SAMD5: variants seen among roughly 807,000 people sequenced by gnomAD.
The protein encoded by SAMD5 is sterile alpha motif domain containing 5, also known as sterile alpha motif domain-containing protein 5.
SAMD5 carries 13 observed loss-of-function variants against 11.3 expected under a neutral mutation model. The observed-to-expected ratio is 1.15, with a 90% confidence interval of 0.75 to 1.83. The LOEUF (loss-of-function observed/expected upper bound fraction) is 1.83, where lower values mean the gene tolerates loss of function less well. SAMD5 is among the 40% of genes most tolerant of loss of function. The probability of loss-of-function intolerance (pLI) is 0.00; values close to 1 mark genes in which losing one functional copy is unlikely to be tolerated. For missense variants in SAMD5, 255 were observed against 239.1 expected, an observed-to-expected ratio of 1.07 and a Z score of -0.44; for synonymous variants, 129 against 111.3, an observed-to-expected ratio of 1.16 and a Z score of -1.00.
At chr6:147,882,390 G>T in the SAMD5 span, among the ~76,000 whole-genome samples, 3 of 152,174 alleles carry the variant, frequency 2.0e-5, no homozygotes, top group African/African-American at 7.2e-5. Flanking sequence ...AAGTCACAGT[G>T]TGTAGTCATA....
intron 1 of SAMD5, among the ~76,000 whole-genome samples, chr6:147,609,477 A>G (rs1789749395): frequency 1.3e-5 from 2 of 152,160 alleles, no homozygotes; most frequent in Admixed American, 6.5e-5. Context: ...AGCCCCAGAA[A>G]ACTACTGCAC....
intron 1 of SAMD5, among the ~76,000 whole-genome samples, chr6:147,678,501 G>T (rs1790896293): frequency 6.6e-6 from 1 of 152,146 alleles, no homozygotes; most frequent in Non-Finnish European, 1.5e-5. Context: ...TGTAACATAA[G>T]TAATAAATCA....
chr6:147,542,055 T>A (rs1788614381), intron 1 of SAMD5, among the ~76,000 whole-genome samples: 1 of 152,108 alleles, frequency 6.6e-6, no homozygotes, highest in Admixed American at 6.5e-5. Context: ...CACCCCGCAA[T>A]GGGGCTACAG....
intron 1 of SAMD5, among the ~76,000 whole-genome samples, chr6:147,666,893 T>C (rs9322103): frequency 0.75 from 113,530 of 152,046 alleles, 45,980 homozygotes; most frequent in East Asian, 0.95. Flanking sequence ...CCCCTGGCCC[T>C]TTCCCTATCC....
intron 1 of SAMD5, among the ~76,000 whole-genome samples, chr6:147,514,433 C>T (rs1414440954): frequency 6.6e-6 from 1 of 150,488 alleles, no homozygotes; most frequent in Non-Finnish European, 1.5e-5. Flanking sequence ...CTATACATTC[C>T]ATCATGTAAT....
chr6:147,952,221 G>A, the SAMD5 span, among the ~76,000 whole-genome samples: 3 of 152,138 alleles, frequency 2.0e-5, no homozygotes, highest in African/African-American at 7.2e-5. Context: ...TAGAATGTCA[G>A]CTATTTACAG....
chr6:147,940,202 A>ATTTT, the SAMD5 span, among the ~76,000 whole-genome samples: 1 of 133,170 alleles, frequency 7.5e-6, no homozygotes, highest in Non-Finnish European at 1.6e-5. Context: ...GGCAGAATTC[A>ATTTT]TTTTTTTTTT....
At chr6:147,696,823 G>A (rs768426767) in intron 1 of SAMD5, among the ~76,000 whole-genome samples, 1 of 152,186 alleles carries the variant, frequency 6.6e-6, no homozygotes, top group African/African-American at 2.4e-5. Flanking sequence ...CATATAGGGT[G>A]CGTTCCATTA....
intron 1 of SAMD5, among the ~76,000 whole-genome samples, chr6:147,535,380 C>A (rs534947031): frequency 1.3e-5 from 2 of 152,134 alleles, no homozygotes; most frequent in Non-Finnish European, 1.5e-5. Context: ...GTACAAATTT[C>A]GATTTTAAAA....
At chr6:147,844,902 G>A in the SAMD5 span, among the ~76,000 whole-genome samples, 4,019 of 152,090 alleles carry the variant, frequency 0.026, 192 homozygotes, top group African/African-American at 0.093. Context: ...AGTTTCAGAC[G>A]GGAGGAATAA....
chr6:147,886,183 C>T, the SAMD5 span, among the ~76,000 whole-genome samples: 1 of 151,982 alleles, frequency 6.6e-6, no homozygotes, highest in Non-Finnish European at 1.5e-5. Flanking sequence ...TTAGTATCAC[C>T]ATATTAAGGG....
the SAMD5 span, among the ~76,000 whole-genome samples, chr6:147,767,858 G>A: frequency 1.6e-4 from 25 of 152,192 alleles, no homozygotes; most frequent in African/African-American, 5.6e-4. Context: ...ACAATTGAAG[G>A]CTATTTTAAC....
In SAMD5 at chr6:147,630,113, C is replaced by A. The variant is rs182973632; in HGVS notation, c.163-107204C>A. ...TACAGGCATGCACTGCCACGCCTGG[C>A]TAATTTTGTATTTTTAGTAGAGACG... On this transcript the variant is annotated intron_variant, in intron 1 of 1. Transcript: ENST00000566741. 2.7e-3 allele frequency among the ~76,000 whole-genome samples: 414 copies of A among 151,972 alleles called. 2 individuals carry two copies. The highest frequency in any genetic ancestry group is 4.4e-3 in the Non-Finnish European group (302 of 67,914).
intron 1 of SAMD5, among the ~76,000 whole-genome samples, chr6:147,672,525 G>A (rs1299094800): frequency 3.3e-5 from 5 of 152,000 alleles, no homozygotes; most frequent in Non-Finnish European, 5.9e-5. Context: ...GAGAAACTGC[G>A]TATTCTTTGT....
At chr6:147,908,837 A>G in the SAMD5 span, among the ~76,000 whole-genome samples, 5 of 152,198 alleles carry the variant, frequency 3.3e-5, no homozygotes, top group African/African-American at 4.8e-5. Flanking sequence ...ACTGCCTCAC[A>G]TGACTGAAGA....
rs1791623693 is a variant in SAMD5 at position 147,726,150 on chromosome 6, G to A, written c.163-11167G>A. Among the ~76,000 whole-genome samples, 4 of 152,278 alleles carry A rather than the reference G, an allele frequency of 2.6e-5. No homozygotes were observed. The South Asian group carries it at 8.3e-4, about 32-fold the overall frequency. On this transcript the variant is annotated intron_variant, in intron 1 of 1. Transcript: ENST00000566741. Reference sequence around the variant, plus strand: ...ACTGCAAGAAATAAAAGAGAATTTGGTTTCTGCTTCAATGAGGCTGTTCAC... The same window carrying A: ...ACTGCAAGAAATAAAAGAGAATTTGATTTCTGCTTCAATGAGGCTGTTCAC...
intron 1 of SAMD5, among the ~76,000 whole-genome samples, chr6:147,517,968 AG>A (rs1259282180): frequency 2.0e-5 from 3 of 151,912 alleles, no homozygotes; most frequent in Non-Finnish European, 2.9e-5. Flanking sequence ...AAATGCTCTT[AG>A]TGGGTATCCA....
Position 147,568,270 on chromosome 6 carries a change from A to G in SAMD5, c.*3814A>G, listed in dbSNP as rs1789076273. On this transcript the variant is annotated 3_prime_UTR_variant, in exon 2 of 2. Coordinates refer to ENST00000367474, the MANE Select transcript of SAMD5 (RefSeq NM_001030060.3). Reference sequence around the variant, plus strand: ...AGGGACTGGAAAGCACCTGCTTGAAAATTGATATGAGCATGTCTGAATTTT... The same window carrying G: ...AGGGACTGGAAAGCACCTGCTTGAAGATTGATATGAGCATGTCTGAATTTT... 4.5e-5 allele frequency: 44 copies of G among 985,282 alleles called. No homozygotes were observed. The highest frequency in any genetic ancestry group is 5.3e-5 in the Non-Finnish European group (44 of 829,904). The allele number at this position is 985,282 out of a possible 1,614,324, so 61.0% of individuals were successfully genotyped here. A position where few individuals can be genotyped will look rare whatever the true frequency, so the allele number is the denominator to read the frequency against.
the SAMD5 span, among the ~76,000 whole-genome samples, chr6:147,877,915 CTAGCTAGCTAGATAGATAGATAGA>C: frequency 1.0e-5 from 1 of 96,790 alleles, no homozygotes; most frequent in African/African-American, 4.4e-5. Flanking sequence ...AGATAGCTAG[CTAGCTAGCTAGATAGATAGATAGA>C]TAGATAGACT....
Sources: gnomAD v4.1 joint callset for allele counts (sites outside exome capture counted in the v4.1 genomes callset) on GRCh38, gnomAD v4.1.1 for gene constraint, MANE v1.5 for transcripts, NCBI Gene and HGNC (gene_info 2026-07-23, HGNC 2026-07-21) for gene names.